Variants in RABEP2 observed in about 807,000 individuals in gnomAD.
RABEP2 encodes rab GTPase-binding effector protein 2.
Under a neutral mutation model 74.1 loss-of-function variants are expected in RABEP2, and 57 were observed. That is an observed-to-expected ratio of 0.77 (90% CI 0.62 to 0.96). The LOEUF is 0.96. Ranked by LOEUF, RABEP2 falls within the 40% of genes least tolerant of loss-of-function variation. RABEP2 has a pLI of 0.00. For synonymous variants in RABEP2, 351 were observed against 344.0 expected, an observed-to-expected ratio of 1.02 and a Z score of -0.23; for missense variants, 692 against 756.3, an observed-to-expected ratio of 0.91 and a Z score of 1.00.
At chr16:28,905,260 T>C in intron 12 of RABEP2, 137 bp downstream of exon 12, 1 of 715,112 alleles carries the variant, frequency 1.4e-6, no homozygotes, top group South Asian at 1.8e-5. Flanking sequence ...GTTTTTTGAG[T>C]AACAGCTCAG....
At chr16:28,913,259 G>A (rs184727888) in intron 5 of RABEP2, among the ~76,000 whole-genome samples, 6 of 151,516 alleles carry the variant, frequency 4.0e-5, no homozygotes, top group Admixed American at 6.6e-5. Context: ...ACTTCCTCAC[G>A]CCATCTGGGT....
rs3924376 is a variant in RABEP2 at position 28,914,657 on chromosome 16, T to C, written c.543+15A>G. On this transcript the variant is annotated intron_variant, in intron 4 of 12. Transcript: ENST00000358201. ...GCACCCCTCCTTCCCCAGCGCCCCCTGGCCGTGCCCTCACCTGGATCTCCT... is the reference window on the plus strand; with the variant it reads ...GCACCCCTCCTTCCCCAGCGCCCCCCGGCCGTGCCCTCACCTGGATCTCCT... The C allele has an allele frequency of 0.7, 1,121,645 of 1,613,346 alleles. 395,782 individuals are homozygous for C. The highest frequency in any genetic ancestry group is 0.95 in the African/African-American group (70,885 of 75,008).
At chr16:28,924,267 C>T in intron 2 of RABEP2, 136 bp downstream of exon 2, 1 of 816,172 alleles carries the variant, frequency 1.2e-6, no homozygotes, top group East Asian at 2.6e-5. Context: ...GGCCCTTCCT[C>T]TGGGCCATAG....
chr16:28,911,149 C>T lies in RABEP2; in HGVS notation c.925G>A (p.Val309Ile), dbSNP rs374338088. The change falls in exon 6 of 13, where the codon GTC becomes ATC. Residue 309 changes from valine to isoleucine, a missense_variant. Coordinates refer to ENST00000358201, the MANE Select transcript of RABEP2 (RefSeq NM_024816.3). ...TGGAGCTCGTCCCGCTCGCGACTGA[C>T]GCTCTCCAGGTCCTTCTGCAGCTGT... ...GRQLQKDLES[V>I]SRERDELQEG... is the part of the protein sequence containing the mutation. 4.0e-5 allele frequency: 64 copies of T among 1,611,966 alleles called. No individual in the cohort carries two copies. The highest frequency in any genetic ancestry group is 8.0e-5 in the African/African-American group (6 of 74,940).
chr16:28,908,662 G>C lies in RABEP2; in HGVS notation c.1192C>G (p.Gln398Glu). ...TCGCCCTGCTCCTGCTGCGAGCCCT[G>C]GGGGGCTGAGGATGGCAGCTGCTCG... ...RAEQLPSSAP[Q>E]GSQQEQGEEE... The change falls in exon 8 of 13, where the codon CAG (glutamine) becomes GAG (glutamate). Residue 398 changes from glutamine to glutamate, a missense_variant. Gln to Glu is a conservative substitution (Grantham distance 29). Transcript: ENST00000358201. 2 of 1,614,060 alleles carry C rather than the reference G, an allele frequency of 1.2e-6. No homozygotes were observed. Among genetic ancestry groups the C allele is most frequent in the Non-Finnish European group, 8.5e-7 (1 of 1,180,000 alleles).
At position 28,914,461 on chromosome 16, in the gene RABEP2, G is replaced by C. The variant is rs764157300; in HGVS notation, c.669C>G (p.Ala223=). 1 of 1,613,476 alleles carries C rather than the reference G, an allele frequency of 6.2e-7. No individual in the cohort carries two copies. Among genetic ancestry groups the C allele is most frequent in the South Asian group, 1.1e-5 (1 of 91,082 alleles). ...CGCTGTCATCGCAGTTGTGAGCGAA[G>C]GCCTCAGCGGCTGGACCCCCATCTC... ...LSGDGGPAAE[A]FAHNCDDSAS... The change falls in exon 5 of 13, where the codon GCC becomes GCG. Residue 223 remains alanine (A), a synonymous_variant. Coordinates refer to ENST00000358201, the MANE Select transcript of RABEP2 (RefSeq NM_024816.3).
At chr16:28,905,171 C>A (rs960134530) in intron 12 of RABEP2, 127 bp from the exon 13 acceptor site, 1 of 759,302 alleles carries the variant, frequency 1.3e-6, no homozygotes, top group Non-Finnish European at 2.1e-6. Context: ...GGGCTGATGC[C>A]ACAAATGCCC....
In RABEP2 at chr16:28,925,148, G is replaced by C. The variant is rs1482952436; in HGVS notation, c.16C>G (p.Pro6Ala). The change falls in exon 1 of 13, where the codon CCG (proline) becomes GCG (alanine). Residue 6 changes from proline to alanine, a missense_variant. By Grantham distance (27) the Pro-to-Ala change is conservative. Coordinates refer to ENST00000358201, the MANE Select transcript of RABEP2 (RefSeq NM_024816.3). ...CGCTCATCGTCGTCCGCGGCCACCG[G>C]CGCAGCTGCCGCCATTGCCTCAGCG... MAAAA[P>A]VAADDDERRR... 7 of 1,532,544 alleles carry C rather than the reference G, an allele frequency of 4.6e-6. No homozygotes were observed. The highest frequency in any genetic ancestry group is 1.7e-4 in the Middle Eastern group (1 of 5,988). The allele number at this position is 1,532,544 out of a possible 1,614,324, so 94.9% of individuals were successfully genotyped here.
chr16:28,922,040 T>G (rs766467994), intron 2 of RABEP2, among the ~76,000 whole-genome samples: 1 of 152,068 alleles, frequency 6.6e-6, no homozygotes, highest in Non-Finnish European at 1.5e-5. Flanking sequence ...GGTGCAATCA[T>G]AGTTCACTGC....
At chr16:28,925,023 A>AC (rs1388417642) in intron 1 of RABEP2, 80 bp downstream of exon 1, 32 of 1,002,388 alleles carry the variant, frequency 3.2e-5, no homozygotes, top group South Asian at 1.1e-4. Context: ...ATCCCTCTCC[A>AC]CCCCCCATCC....
chr16:28,925,033 C>A (rs986212733), intron 1 of RABEP2, 70 bp downstream of exon 1: 5 of 1,480,222 alleles, frequency 3.4e-6, no homozygotes, highest in Non-Finnish European at 4.6e-6. Flanking sequence ...ACCCCCCATC[C>A]GCAGGTGGCT....
At chr16:28,905,123 G>T in intron 12 of RABEP2, 79 bp from the exon 13 acceptor site, 1 of 1,272,278 alleles carries the variant, frequency 7.9e-7, no homozygotes, top group Middle Eastern at 2.6e-4. Context: ...CCCCAAGGGC[G>T]GGGCCTGGTA....
intron 3 of RABEP2, among the ~76,000 whole-genome samples, chr16:28,916,646 T>TG (rs1964397370): frequency 8.0e-6 from 1 of 124,640 alleles, no homozygotes; most frequent in Non-Finnish European, 1.6e-5. Context: ...CACTCCAGCC[T>TG]GGGCGACAGA....
chr16:28,914,870 C>T (rs917396033), intron 3 of RABEP2, 88 bp from the exon 4 acceptor site: 165 of 1,116,182 alleles, frequency 1.5e-4, no homozygotes, highest in Admixed American at 4.0e-4. Context: ...CCAAGCACAT[C>T]AGCTCTCCTA....
chr16:28,908,727 T>G lies in RABEP2; in HGVS notation c.1127A>C (p.Glu376Ala), dbSNP rs571750469. 1 of 1,614,134 alleles carries G rather than the reference T, an allele frequency of 6.2e-7. No homozygotes were observed. The highest frequency in any genetic ancestry group is 1.3e-5 in the African/African-American group (1 of 75,028). ...LVTTHKCLHH[E>A]VKRLNEENQG... ...GTTTTCCTCATTCAACCGCTTTACC[T>G]CATGGTGCAGGCACTTGTGGGTGGT... is the stretch of plus-strand genomic sequence containing the variant. Residue 376 changes from glutamate (E) to alanine (A), a missense_variant, in exon 8 of 13, where the codon GAG becomes GCG. Glu to Ala is a moderately radical substitution (Grantham distance 107). Coordinates refer to ENST00000358201, the MANE Select transcript of RABEP2 (RefSeq NM_024816.3).
At chr16:28,921,131 T>C in intron 2 of RABEP2, 1 of 454,624 alleles carries the variant, frequency 2.2e-6, no homozygotes, top group East Asian at 7.0e-5. Context: ...CCCAAAGTGC[T>C]GGGATTACAG....
chr16:28,918,140 C>T (rs868672490), intron 3 of RABEP2, among the ~76,000 whole-genome samples: 430 of 132,910 alleles, frequency 3.2e-3, no homozygotes, highest in African/African-American at 0.012. Context: ...ACTGCAGTGG[C>T]GCAATCTCGG....
At chr16:28,921,768 C>G (rs975541471) in intron 2 of RABEP2, among the ~76,000 whole-genome samples, 2 of 150,556 alleles carry the variant, frequency 1.3e-5, no homozygotes, top group Admixed American at 1.3e-4. Context: ...AGTTCGAGAC[C>G]AGCCTGGCCA....
At position 28,904,995 on chromosome 16, in the gene RABEP2, C is replaced by A. The variant is rs774260427; in HGVS notation, c.1658G>T (p.Ser553Ile). ...RQAETLEQVR[S>I]IMDEAPLTDV... ...CGTGAGTGGCGCCTCATCCATGATGCTGCGCACTTGCTCCAGGGTCTCAGC... is the reference window on the plus strand; with the variant it reads ...CGTGAGTGGCGCCTCATCCATGATGATGCGCACTTGCTCCAGGGTCTCAGC... The change falls in exon 13 of 13, where the codon AGC becomes ATC. Residue 553 changes from serine (S) to isoleucine (I), a missense_variant. Physicochemically the swap from Ser to Ile is moderately radical, Grantham distance 142. Transcript: ENST00000358201. 1 of 1,612,266 alleles carries A rather than the reference C, an allele frequency of 6.2e-7. No homozygotes were observed. The highest frequency in any genetic ancestry group is 8.5e-7 in the Non-Finnish European group (1 of 1,179,782).
Sources: allele counts gnomAD v4.1 joint callset (sites outside exome capture counted in the v4.1 genomes callset), GRCh38; gene constraint gnomAD v4.1.1; transcripts MANE v1.5; gene names NCBI Gene and HGNC (gene_info 2026-07-23, HGNC 2026-07-21).